The following EXOC4 variants were observed in gnomAD, a reference collection of about 807,000 sequenced individuals.
The protein encoded by EXOC4 is exocyst complex component 4.
Under a neutral mutation model 107.2 loss-of-function variants are expected in EXOC4, and 71 were observed. The ratio of observed to expected loss-of-function variants is 0.66; its 90% CI spans 0.55 to 0.81. The LOEUF is 0.81. Among genes scored for constraint, EXOC4 ranks in the 30% least tolerant of loss-of-function variants. The pLI is 0.00. For missense variants in EXOC4, 1,108 were observed against 1,189.6 expected, an observed-to-expected ratio of 0.93 and a Z score of 1.01; for synonymous variants, 456 against 441.2, an observed-to-expected ratio of 1.03 and a Z score of -0.42.
chr7:133,869,257 C>A (rs1035820992), intron 11 of EXOC4, among the ~76,000 whole-genome samples: 1 of 151,914 alleles, frequency 6.6e-6, no homozygotes, highest in Non-Finnish European at 1.5e-5. Flanking sequence ...CATGCCAATG[C>A]CTTGCCTGAT....
intron 7 of EXOC4, among the ~76,000 whole-genome samples, chr7:133,392,002 T>TATAG (rs1206643580): frequency 3.3e-5 from 5 of 152,298 alleles, no homozygotes; most frequent in African/African-American, 1.2e-4. Context: ...TCCGCAGTAG[T>TATAG]ATAGGCAAGC....
intron 11 of EXOC4, among the ~76,000 whole-genome samples, chr7:133,834,554 A>G (rs1797877956): frequency 6.6e-6 from 1 of 152,182 alleles, no homozygotes; most frequent in Non-Finnish European, 1.5e-5. Flanking sequence ...CAGAAGTAAA[A>G]TTGTTTTTCT....
chr7:133,353,561 T>G (rs969393725), intron 5 of EXOC4, among the ~76,000 whole-genome samples: 7 of 152,144 alleles, frequency 4.6e-5, no homozygotes, highest in African/African-American at 1.7e-4. Context: ...GCTCACTACT[T>G]TCAAGATTCT....
intron 9 of EXOC4, among the ~76,000 whole-genome samples, chr7:133,557,430 G>A (rs1211342992): frequency 6.6e-6 from 1 of 152,078 alleles, no homozygotes; most frequent in African/African-American, 2.4e-5. Context: ...TATGCCATAT[G>A]CATTCTGTTA....
chr7:133,604,676 ATTTCTT>A (rs1272789088), intron 9 of EXOC4, among the ~76,000 whole-genome samples: 1 of 77,812 alleles, frequency 1.3e-5, no homozygotes, highest in Non-Finnish European at 2.7e-5. Flanking sequence ...TATAGCACTG[ATTTCTT>A]TTTCTTTCCT....
intron 7 of EXOC4, among the ~76,000 whole-genome samples, chr7:133,454,546 C>T (rs1798421020): frequency 6.6e-6 from 1 of 152,190 alleles, no homozygotes; most frequent in Non-Finnish European, 1.5e-5. Flanking sequence ...ATCTGCCCTC[C>T]TTGGCTTCCC....
rs1794001330 is a variant in EXOC4 at position 133,276,702 on chromosome 7, A to G, written c.276+1531A>G. Among the ~76,000 whole-genome samples, 4 of 152,310 alleles carry G rather than the reference A, an allele frequency of 2.6e-5. No individual in the cohort carries two copies. In the Middle Eastern group the frequency reaches 0.01, roughly 389 times the overall value. ...ATGCATAGACTATGGTTTAAAATTC[A>G]CTGCCCTGTGCTATGAGATTGGTTA... is the stretch of plus-strand genomic sequence containing the variant. On this transcript the variant is annotated intron_variant, in intron 2 of 17. Transcript: ENST00000253861.
At chr7:133,813,913 A>C (rs1214700287) in intron 10 of EXOC4, among the ~76,000 whole-genome samples, 1 of 152,186 alleles carries the variant, frequency 6.6e-6, no homozygotes, top group Non-Finnish European at 1.5e-5. Context: ...GGTTAACTGC[A>C]ATGTATTGGT....
chr7:133,253,840 A>G (rs1199707471), intron 1 of EXOC4: 1 of 152,162 alleles, frequency 6.6e-6, no homozygotes, highest in African/African-American at 2.4e-5. Context: ...TGCACCTCCC[A>G]GAAGATTAGG....
In EXOC4 at chr7:133,606,018, G is replaced by A. The variant is rs193140803; in HGVS notation, c.1418-24027G>A. ...TGTTTCTAGAAAGGAATGGTTAATT[G>A]TGTGAAGTGATGCTGCTAGATCCAA... is the stretch of plus-strand genomic sequence containing the variant. On this transcript the variant is annotated intron_variant, in intron 9 of 17. Coordinates refer to ENST00000253861, the MANE Select transcript of EXOC4 (RefSeq NM_021807.4). Among the ~76,000 whole-genome samples the A allele has an allele frequency of 1.6e-3, 242 of 152,254 alleles. 1 individual carries two copies. Among genetic ancestry groups the A allele is most frequent in the Middle Eastern group, 0.014 (4 of 294 alleles).
chr7:133,797,839 G>C (rs1231223407), intron 10 of EXOC4, among the ~76,000 whole-genome samples: 1 of 152,186 alleles, frequency 6.6e-6, no homozygotes, highest in African/African-American at 2.4e-5. Context: ...CTAGGTTCTA[G>C]GTATACAGCT....
chr7:134,008,743 A>G (rs1393595952), intron 17 of EXOC4, among the ~76,000 whole-genome samples: 2 of 152,004 alleles, frequency 1.3e-5, no homozygotes, highest in Non-Finnish European at 2.9e-5. Flanking sequence ...CCTAGGCTCA[A>G]GGGATCCTCC....
intron 7 of EXOC4, among the ~76,000 whole-genome samples, chr7:133,400,874 T>C (rs1797074053): frequency 6.6e-6 from 1 of 152,096 alleles, no homozygotes; most frequent in Non-Finnish European, 1.5e-5. Context: ...GGAAAATGAA[T>C]TGTGTAAGAG....
At chr7:133,837,130 T>C (rs2151244569) in intron 11 of EXOC4, among the ~76,000 whole-genome samples, 1 of 152,320 alleles carries the variant, frequency 6.6e-6, no homozygotes, top group East Asian at 1.9e-4. Flanking sequence ...GGAAAAAACT[T>C]TGGCCTGGAA....
chr7:133,347,711 C>A (rs1795817400), intron 5 of EXOC4, among the ~76,000 whole-genome samples: 1 of 152,268 alleles, frequency 6.6e-6, no homozygotes, highest in East Asian at 1.9e-4. Context: ...GACATACATA[C>A]CAATATATCC....
At chr7:133,661,427 G>A (rs1187383074) in intron 10 of EXOC4, among the ~76,000 whole-genome samples, 1 of 152,088 alleles carries the variant, frequency 6.6e-6, no homozygotes, top group African/African-American at 2.4e-5. Context: ...CTGGGCAAAA[G>A]TGTAAAAGTT....
chr7:133,672,685 C>G (rs958538324), intron 10 of EXOC4, among the ~76,000 whole-genome samples: 2 of 152,062 alleles, frequency 1.3e-5, no homozygotes, highest in Non-Finnish European at 2.9e-5. Flanking sequence ...ATTCCAAAAG[C>G]AACAGATGGT....
At chr7:133,754,290 T>C (rs1415387545) in intron 10 of EXOC4, among the ~76,000 whole-genome samples, 1 of 152,214 alleles carries the variant, frequency 6.6e-6, no homozygotes, top group Non-Finnish European at 1.5e-5. Flanking sequence ...CAGAAGCAGC[T>C]TTCTGGAGAA....
At chr7:133,292,657 G>A (rs1201278223) in intron 3 of EXOC4, among the ~76,000 whole-genome samples, 2 of 152,104 alleles carry the variant, frequency 1.3e-5, no homozygotes, top group African/African-American at 4.8e-5. Flanking sequence ...GAATGTCCCA[G>A]ATATTCAGAT....
Sources: gnomAD v4.1 joint callset for allele counts (sites outside exome capture counted in the v4.1 genomes callset) on GRCh38, gnomAD v4.1.1 for gene constraint, MANE v1.5 for transcripts, NCBI Gene and HGNC (gene_info 2026-07-23, HGNC 2026-07-21) for gene names.